The following LMO7 variants were observed in gnomAD, a reference collection of about 807,000 sequenced individuals.
The protein encoded by LMO7 is LIM domain 7.
A neutral mutation model predicts 206.5 loss-of-function variants in LMO7; 120 were observed. That is an observed-to-expected ratio of 0.58 (90% CI 0.50 to 0.68). The LOEUF is 0.68. Ranked by LOEUF, LMO7 falls within the 30% of genes least tolerant of loss-of-function variation. The probability of loss-of-function intolerance (pLI) is 0.00; values close to 1 mark genes in which losing one functional copy is unlikely to be tolerated. For missense variants in LMO7, 1,959 were observed against 1,957.9 expected (o/e 1.00, Z -0.01); for synonymous variants, 706 against 681.5 (o/e 1.04, Z -0.56).
intron 1 of LMO7, among the ~76,000 whole-genome samples, chr13:75,676,283 T>C (rs2040009680): frequency 6.6e-6 from 1 of 152,242 alleles, no homozygotes; most frequent in Non-Finnish European, 1.5e-5. Context: ...TCAGTATTTG[T>C]CTGACTTAAT....
intron 3 of LMO7, among the ~76,000 whole-genome samples, chr13:75,732,919 C>T (rs1345464821): frequency 3.9e-5 from 6 of 151,912 alleles, no homozygotes; most frequent in Admixed American, 1.3e-4. Context: ...GTATCAGCAG[C>T]GGTGTCTGCA....
At chr13:75,647,951 CTTTT>C (rs570513211) in intron 1 of LMO7, among the ~76,000 whole-genome samples, 16 of 91,128 alleles carry the variant, frequency 1.8e-4, no homozygotes, top group African/African-American at 2.0e-4. Context: ...TCTTTTCTTT[CTTTT>C]TTTTTTTTTT....
Position 75,823,619 on chromosome 13 carries a change from A to G in LMO7, c.2695A>G (p.Asn899Asp), listed in dbSNP as rs772468919. ...GDVEDIKRTP[N>D]NVVSTPAPSP... ...TGTTGAAGACATTAAGAGAACTCCAAACAATGTGGTCAGCACCCCTGCACC... is the reference window on the plus strand; with the variant it reads ...TGTTGAAGACATTAAGAGAACTCCAGACAATGTGGTCAGCACCCCTGCACC... Residue 899 changes from asparagine (N) to aspartate (D), a missense_variant, in exon 15 of 31, where the codon AAC becomes GAC. Coordinates refer to ENST00000377534, the MANE Select transcript of LMO7 (RefSeq NM_001306080.2). 40 of 1,614,164 alleles carry G rather than the reference A, an allele frequency of 2.5e-5. 1 individual carries two copies. In the Middle Eastern group the frequency reaches 6.6e-4, roughly 27 times the overall value.
chr13:75,663,776 T>G (rs1299193187), intron 1 of LMO7, among the ~76,000 whole-genome samples: 1 of 152,190 alleles, frequency 6.6e-6, no homozygotes, highest in Admixed American at 6.5e-5. Flanking sequence ...ATGCTTCCTT[T>G]TAATCAAGTT....
At chr13:75,786,820 A>G (rs555248684) in intron 4 of LMO7, among the ~76,000 whole-genome samples, 10 of 152,272 alleles carry the variant, frequency 6.6e-5, no homozygotes, top group Middle Eastern at 3.4e-3. Flanking sequence ...CTAATTACCA[A>G]TTTACCTACT....
At chr13:75,792,643 T>C (rs530427659) in intron 4 of LMO7, among the ~76,000 whole-genome samples, 1 of 152,320 alleles carries the variant, frequency 6.6e-6, no homozygotes, top group South Asian at 2.1e-4. Flanking sequence ...GGTTATGCCC[T>C]GTGGCCACAT....
At chr13:75,831,966 C>A (rs780309554) in intron 15 of LMO7, among the ~76,000 whole-genome samples, 1 of 152,100 alleles carries the variant, frequency 6.6e-6, no homozygotes, top group South Asian at 2.1e-4. Context: ...AGGCAGAAAG[C>A]TTTATGAAGT....
intron 1 of LMO7, chr13:75,688,978 A>T (rs567760013): frequency 1.3e-5 from 2 of 152,100 alleles, no homozygotes; most frequent in Non-Finnish European, 2.9e-5. Flanking sequence ...AATGTTTTTA[A>T]TGCAATTCTT....
intron 1 of LMO7, chr13:75,621,999 C>T: frequency 2.0e-6 from 1 of 503,518 alleles, no homozygotes. Context: ...GAAGTAAATA[C>T]TGCAACTGAG....
intron 4 of LMO7, among the ~76,000 whole-genome samples, chr13:75,779,469 A>G (rs2050995546): frequency 1.3e-5 from 2 of 152,208 alleles, no homozygotes; most frequent in Admixed American, 1.3e-4. Context: ...TTGAATGTAT[A>G]TTGAACTTGA....
At chr13:75,677,153 G>A (rs1420225770) in intron 1 of LMO7, among the ~76,000 whole-genome samples, 1 of 152,096 alleles carries the variant, frequency 6.6e-6, no homozygotes, top group Non-Finnish European at 1.5e-5. Context: ...GTAATGAATG[G>A]CATATTTGGG....
chr13:75,720,921 T>C (rs956603443), intron 2 of LMO7, among the ~76,000 whole-genome samples: 16 of 152,340 alleles, frequency 1.1e-4, no homozygotes, highest in Admixed American at 3.9e-4. Context: ...TTATATTGAA[T>C]GCTTTTAGAC....
At chr13:75,838,918 C>T (rs1363058583) in intron 20 of LMO7, among the ~76,000 whole-genome samples, 2 of 152,150 alleles carry the variant, frequency 1.3e-5, no homozygotes, top group African/African-American at 4.8e-5. Context: ...AAGTAATAGT[C>T]AACATTTGAG....
intron 3 of LMO7, among the ~76,000 whole-genome samples, chr13:75,737,795 A>ACAAAAAAAC (rs2046028736): frequency 1.6e-5 from 2 of 127,016 alleles, no homozygotes; most frequent in Non-Finnish European, 3.4e-5. Context: ...AAAAAAAAAA[A>ACAAAAAAAC]AAAAAACTTT....
chr13:75,757,302 T>C (rs1351729450), intron 3 of LMO7, among the ~76,000 whole-genome samples: 2 of 152,274 alleles, frequency 1.3e-5, no homozygotes, highest in East Asian at 1.9e-4. Context: ...TACAACCTAA[T>C]GAAGGGTCCC....
In LMO7 at chr13:75,648,995, C is replaced by T. The variant is rs543096652; in HGVS notation, c.69+12269C>T. 2.0e-3 allele frequency among the ~76,000 whole-genome samples: 306 copies of T among 152,230 alleles called. 1 individual carries two copies. Among genetic ancestry groups the T allele is most frequent in the Non-Finnish European group, 3.1e-3 (209 of 68,006 alleles). On this transcript the variant is annotated intron_variant, in intron 1 of 30. Transcript: ENST00000377534. Reference sequence around the variant, plus strand: ...AACTATTAGAGAAGGTCCTTCTTGACCTGAATCAGAAAGTTGATGCGTGGG... The same window carrying T: ...AACTATTAGAGAAGGTCCTTCTTGATCTGAATCAGAAAGTTGATGCGTGGG...
chr13:75,823,596 T>C lies in LMO7; in HGVS notation c.2672T>C (p.Val891Ala), dbSNP rs755761491. Reference protein sequence around the residue: ...MDDAWKYNGDVEDIKRTPNNV... With the variant: ...MDDAWKYNGDAEDIKRTPNNV... ...GATGCTTGGAAGTATAATGGAGATG[T>C]TGAAGACATTAAGAGAACTCCAAAC... is the stretch of plus-strand genomic sequence containing the variant. The change falls in exon 15 of 31, where the codon GTT becomes GCT. Residue 891 changes from valine (V) to alanine (A), a missense_variant. By Grantham distance (64) the Val-to-Ala change is moderately conservative. Coordinates refer to ENST00000377534, the MANE Select transcript of LMO7 (RefSeq NM_001306080.2). 26 of 1,613,766 alleles carry C rather than the reference T, an allele frequency of 1.6e-5. No homozygotes were observed. In the African/African-American group the frequency reaches 2.9e-4, roughly 18 times the overall value.
At chr13:75,841,299 C>A in intron 23 of LMO7, 98 bp downstream of exon 23, 1 of 766,854 alleles carries the variant, frequency 1.3e-6, no homozygotes, top group Non-Finnish European at 2.2e-6. Flanking sequence ...CCACCTTTGA[C>A]CATATGTTCA....
At chr13:75,679,602 T>C (rs1406525517) in intron 1 of LMO7, among the ~76,000 whole-genome samples, 8 of 152,144 alleles carry the variant, frequency 5.3e-5, no homozygotes, top group Admixed American at 5.2e-4. Flanking sequence ...TATTAACAAA[T>C]AGTCCTGATG....
Sources: gnomAD v4.1 joint callset for allele counts (sites outside exome capture counted in the v4.1 genomes callset) on GRCh38, gnomAD v4.1.1 for gene constraint, MANE v1.5 for transcripts, NCBI Gene and HGNC (gene_info 2026-07-23, HGNC 2026-07-21) for gene names.